PTPRD: variants seen among roughly 807,000 people sequenced by gnomAD.
PTPRD encodes the protein receptor-type tyrosine-protein phosphatase delta.
A neutral mutation model predicts 214.5 loss-of-function variants in PTPRD; 34 were observed. That is an observed-to-expected ratio of 0.16 (90% confidence interval 0.12 to 0.21). The LOEUF is 0.21. PTPRD is among the 10% of genes least tolerant of loss of function. The pLI, the probability that PTPRD is intolerant of heterozygous loss-of-function variation, is 1.00. For synonymous variants in PTPRD, 1,128 were observed against 845.7 expected (o/e 1.33, Z -5.79); for missense variants, 2,545 against 2,398.7 (o/e 1.06, Z -1.27).
chr9:9,384,347 T>C (rs1569567875), intron 9 of PTPRD, among the ~76,000 whole-genome samples: 2 of 46,388 alleles, frequency 4.3e-5, no homozygotes. Context: ...ACTAGGCTTT[T>C]TTTTTTTTTT....
chr9:9,752,901 C>G (rs1564987930), intron 6 of PTPRD, among the ~76,000 whole-genome samples: 1 of 152,008 alleles, frequency 6.6e-6, no homozygotes, highest in Non-Finnish European at 1.5e-5. Context: ...ACACAGCATA[C>G]TTTGCTTGGC....
At chr9:9,816,366 G>T (rs1026971584) in intron 5 of PTPRD, among the ~76,000 whole-genome samples, 1 of 151,954 alleles carries the variant, frequency 6.6e-6, no homozygotes, top group Non-Finnish European at 1.5e-5. Context: ...TTATTGGAAA[G>T]ATCAACCACA....
intron 2 of PTPRD, among the ~76,000 whole-genome samples, chr9:10,455,211 C>G (rs76102268): frequency 7.3e-5 from 11 of 151,630 alleles, no homozygotes; most frequent in African/African-American, 2.7e-4. Flanking sequence ...GCACTGCTGA[C>G]GAGAGCTTTC....
At chr9:8,792,661 A>G (rs998287310) in intron 11 of PTPRD, among the ~76,000 whole-genome samples, 3 of 152,216 alleles carry the variant, frequency 2.0e-5, no homozygotes, top group Admixed American at 6.5e-5. Flanking sequence ...ATGAAATTAT[A>G]TATCTCGAGG....
intron 14 of PTPRD, among the ~76,000 whole-genome samples, chr9:8,601,592 C>T (rs2094869279): frequency 1.3e-5 from 2 of 152,192 alleles, no homozygotes. Flanking sequence ...ACAACAGTTT[C>T]TGCCTGGTAA....
intron 11 of PTPRD, among the ~76,000 whole-genome samples, chr9:8,841,388 C>A (rs1346769125): frequency 6.6e-6 from 1 of 152,094 alleles, no homozygotes; most frequent in South Asian, 2.1e-4. Flanking sequence ...TCAATCACCT[C>A]TGGTAAGAAA....
intron 3 of PTPRD, among the ~76,000 whole-genome samples, chr9:10,231,017 C>G (rs1419917530): frequency 6.6e-6 from 1 of 151,926 alleles, no homozygotes; most frequent in Non-Finnish European, 1.5e-5. Flanking sequence ...GGCTGCTAGT[C>G]ATCTACCTGA....
intron 2 of PTPRD, among the ~76,000 whole-genome samples, chr9:10,495,960 T>C (rs1261127540): frequency 2.0e-5 from 3 of 151,798 alleles, no homozygotes; most frequent in Non-Finnish European, 2.9e-5. Flanking sequence ...GTATTTAGTA[T>C]TGCATGTGTT....
intron 30 of PTPRD, among the ~76,000 whole-genome samples, chr9:8,476,011 G>T (rs2096757039): frequency 6.6e-6 from 1 of 152,146 alleles, no homozygotes; most frequent in Admixed American, 6.5e-5. Context: ...AGACTGAAAG[G>T]TATCAGAAGG....
intron 36 of PTPRD, among the ~76,000 whole-genome samples, chr9:8,398,468 G>C (rs894332275): frequency 6.6e-6 from 1 of 151,940 alleles, no homozygotes; most frequent in Non-Finnish European, 1.5e-5. Flanking sequence ...TTATGTTTTG[G>C]AACTTTAAAT....
At chr9:9,669,517 C>G (rs1274098116) in intron 7 of PTPRD, among the ~76,000 whole-genome samples, 2 of 152,116 alleles carry the variant, frequency 1.3e-5, no homozygotes, top group Admixed American at 6.6e-5. Flanking sequence ...ACATTAAACA[C>G]ATTTTGAAAA....
intron 7 of PTPRD, among the ~76,000 whole-genome samples, chr9:9,637,788 C>T (rs779314558): frequency 6.7e-4 from 102 of 152,174 alleles, no homozygotes; most frequent in Non-Finnish European, 1.1e-3. Context: ...CAGTTCTGCT[C>T]GGCATTGCCC....
intron 11 of PTPRD, among the ~76,000 whole-genome samples, chr9:8,870,720 A>ACACACG (rs1555458026): frequency 6.6e-6 from 1 of 151,380 alleles, no homozygotes; most frequent in Non-Finnish European, 1.5e-5. Context: ...ACACACACAC[A>ACACACG]CACACACACG....
chr9:9,140,458 G>C (rs1346272734), intron 10 of PTPRD, among the ~76,000 whole-genome samples: 1 of 152,082 alleles, frequency 6.6e-6, no homozygotes, highest in Non-Finnish European at 1.5e-5. Context: ...AATATCTGAG[G>C]GTCTCCAAGA....
At chr9:9,548,409 T>C (rs1011949930) in intron 8 of PTPRD, among the ~76,000 whole-genome samples, 40 of 148,214 alleles carry the variant, frequency 2.7e-4, no homozygotes, top group South Asian at 8.6e-4. Flanking sequence ...TTTTTTCTTT[T>C]TTTTTTTTTT....
At chr9:9,699,201 C>G (rs1245780324) in intron 7 of PTPRD, among the ~76,000 whole-genome samples, 1 of 151,838 alleles carries the variant, frequency 6.6e-6, no homozygotes, top group Non-Finnish European at 1.5e-5. Context: ...TTCAGTCAAG[C>G]TGTTTCTCTG....
intron 6 of PTPRD, among the ~76,000 whole-genome samples, chr9:9,765,960 C>A (rs1597203195): frequency 1.3e-5 from 2 of 152,196 alleles, no homozygotes; most frequent in East Asian, 3.9e-4. Flanking sequence ...CCGCGCCCAG[C>A]CCGTAAATTC....
intron 8 of PTPRD, among the ~76,000 whole-genome samples, chr9:9,572,110 A>G (rs2086637171): frequency 2.0e-5 from 3 of 151,446 alleles, no homozygotes; most frequent in African/African-American, 7.2e-5. Flanking sequence ...TCATCAAAAT[A>G]TATCATCCAG....
intron 7 of PTPRD, among the ~76,000 whole-genome samples, chr9:9,575,717 C>CAAAAAAAAAAAAAAAAAAAAAAAAAAA (rs757614546): frequency 1.2e-3 from 41 of 33,318 alleles, no homozygotes; most frequent in South Asian, 2.9e-3. Flanking sequence ...AAGACTGTCT[C>CAAAAAAAAAAAAAAAAAAAAAAAAAAA]AAAAAAAAAA....
Sources: gnomAD v4.1 joint callset for allele counts (sites outside exome capture counted in the v4.1 genomes callset) on GRCh38, gnomAD v4.1.1 for gene constraint, MANE v1.5 for transcripts, NCBI Gene and HGNC (gene_info 2026-07-23, HGNC 2026-07-21) for gene names.